The following TBCA variants were observed in gnomAD, a reference collection of about 807,000 sequenced individuals.
TBCA encodes the protein tubulin-specific chaperone A.
A neutral mutation model predicts 15.8 loss-of-function variants in TBCA; 6 were observed. The ratio of observed to expected loss-of-function variants is 0.38; its 90% CI spans 0.21 to 0.75. TBCA has a LOEUF of 0.75. TBCA is among the 30% of genes least tolerant of loss of function. The pLI, the probability that TBCA is intolerant of heterozygous loss-of-function variation, is 0.46. For missense variants in TBCA, 90 were observed against 131.2 expected (o/e 0.69, Z 1.53); for synonymous variants, 32 against 42.3 (o/e 0.76, Z 0.94).
At chr5:77,721,037 T>C (rs945635479) in intron 1 of TBCA, among the ~76,000 whole-genome samples, 1 of 152,208 alleles carries the variant, frequency 6.6e-6, no homozygotes, top group African/African-American at 2.4e-5. Context: ...CAAACTAATA[T>C]TGATTATCAT....
At chr5:77,743,296 C>T (rs1265261631) in intron 1 of TBCA, among the ~76,000 whole-genome samples, 1 of 152,138 alleles carries the variant, frequency 6.6e-6, no homozygotes, top group Non-Finnish European at 1.5e-5. Flanking sequence ...TAAATGTGTG[C>T]CCTTTGAAAG....
intron 1 of TBCA, among the ~76,000 whole-genome samples, chr5:77,713,251 G>C (rs1394193554): frequency 6.6e-6 from 1 of 152,126 alleles, no homozygotes; most frequent in East Asian, 1.9e-4. Context: ...AGCTATAATT[G>C]TGCCACTGCA....
chr5:77,766,271 T>C (rs935360810), intron 1 of TBCA, among the ~76,000 whole-genome samples: 1 of 152,146 alleles, frequency 6.6e-6, no homozygotes, highest in Admixed American at 6.6e-5. Flanking sequence ...ACAAAAACTT[T>C]TTGACAGAAC....
Position 77,723,144 on chromosome 5 carries a change from G to T in TBCA, c.54-14797C>A, listed in dbSNP as rs182109023. 7.8e-3 allele frequency among the ~76,000 whole-genome samples: 1,174 copies of T among 151,480 alleles called. 9 individuals carry two copies. Among genetic ancestry groups the T allele is most frequent in the African/African-American group, 0.027 (1,104 of 41,418 alleles). On this transcript the variant is annotated intron_variant, in intron 1 of 3. Transcript: ENST00000380377. ...AACATTATAATGGCTGATGAAATGG[G>T]TTTTTTTAAAAAAATCCAATTCAAC...
At chr5:77,750,151 G>T (rs352564) in intron 1 of TBCA, among the ~76,000 whole-genome samples, 60,635 of 148,834 alleles carry the variant, frequency 0.41, 12,465 homozygotes, top group East Asian at 0.48. Flanking sequence ...TATATATATA[G>T]AGAGAGAGCA....
At chr5:77,762,942 G>A (rs373948907) in intron 1 of TBCA, among the ~76,000 whole-genome samples, 2 of 152,214 alleles carry the variant, frequency 1.3e-5, no homozygotes, top group East Asian at 3.9e-4. Flanking sequence ...TCTTGGAGAC[G>A]CTTGTTTAAA....
At chr5:77,775,138 G>A (rs1164153600) in intron 1 of TBCA, among the ~76,000 whole-genome samples, 1 of 152,140 alleles carries the variant, frequency 6.6e-6, no homozygotes, top group Non-Finnish European at 1.5e-5. Context: ...ACAAAGAACA[G>A]AACTCAAAGT....
chr5:77,693,026 A>G, intron 3 of TBCA: 1 of 1,425,172 alleles, frequency 7.0e-7, no homozygotes, highest in Non-Finnish European at 9.1e-7. Context: ...ACTTAAATAA[A>G]TTTAACTAGC....
chr5:77,726,012 T>C (rs1010385514), intron 1 of TBCA, among the ~76,000 whole-genome samples: 1 of 152,214 alleles, frequency 6.6e-6, no homozygotes, highest in Non-Finnish European at 1.5e-5. Flanking sequence ...AAAGCAGCTC[T>C]CTGGAAAATG....
At chr5:77,695,306 C>T (rs1745848273) in intron 2 of TBCA, among the ~76,000 whole-genome samples, 1 of 152,168 alleles carries the variant, frequency 6.6e-6, no homozygotes, top group South Asian at 2.1e-4. Flanking sequence ...AGCTCAGGCT[C>T]TCCCATACAC....
intron 1 of TBCA, among the ~76,000 whole-genome samples, chr5:77,749,438 T>C (rs1747263930): frequency 6.6e-6 from 1 of 152,266 alleles, no homozygotes; most frequent in Non-Finnish European, 1.5e-5. Context: ...GATGTGTGCA[T>C]ATTTTATGGT....
chr5:77,692,069 A>G, intron 3 of TBCA: 1 of 984,768 alleles, frequency 1.0e-6, no homozygotes, highest in Non-Finnish European at 1.2e-6. Flanking sequence ...GTTTTTCCAT[A>G]ATACTGATAT....
Position 77,708,245 on chromosome 5 carries a change from C to T in TBCA, c.156G>A (p.Lys52=). ...AEDGENYDIK[K]QAEILQESRM... is the part of the protein sequence containing the mutation. ...GTTATTTATGATATAATTTTACCTG[C>T]TTTTTAATGTCATAATTTTCACCGT... The change falls in exon 2 of 4, where the codon AAG becomes AAA. Residue 52 remains lysine (K), a synonymous_variant. Transcript: ENST00000380377. 3 of 1,595,568 alleles carry T rather than the reference C, an allele frequency of 1.9e-6. No homozygotes were observed. The highest frequency in any genetic ancestry group is 2.6e-6 in the Non-Finnish European group (3 of 1,167,946).
chr5:77,692,658 A>T (rs1233674497), intron 3 of TBCA: 2 of 984,902 alleles, frequency 2.0e-6, no homozygotes, highest in Non-Finnish European at 2.4e-6. Context: ...AAAAGCATTT[A>T]AACTGTCAAG....
chr5:77,775,773 A>G (rs891447867), intron 1 of TBCA, among the ~76,000 whole-genome samples: 3 of 152,124 alleles, frequency 2.0e-5, no homozygotes, highest in African/African-American at 7.2e-5. Context: ...GCATCCCCCT[A>G]AACTTCAGAG....
intron 1 of TBCA, among the ~76,000 whole-genome samples, chr5:77,710,515 A>G (rs1746254524): frequency 6.6e-6 from 1 of 152,178 alleles, no homozygotes; most frequent in African/African-American, 2.4e-5. Flanking sequence ...TATTTGACTC[A>G]CAATGTTAAA....
chr5:77,692,602 C>G (rs1745778937), intron 3 of TBCA: 1 of 985,164 alleles, frequency 1.0e-6, no homozygotes, highest in Non-Finnish European at 1.2e-6. Flanking sequence ...TTATTTTTTT[C>G]CAAGCAATTT....
intron 1 of TBCA, among the ~76,000 whole-genome samples, chr5:77,740,409 G>C (rs899149406): frequency 6.6e-6 from 1 of 152,144 alleles, no homozygotes; most frequent in Non-Finnish European, 1.5e-5. Flanking sequence ...AGAGATGGTG[G>C]TGACCCAGAC....
In TBCA at chr5:77,766,771, A is replaced by T. The variant is rs1747787303; in HGVS notation, c.53+9434T>A. Reference sequence around the variant, plus strand: ...CTCGGCCTCCCAAAGTGCTGGGATTACAGGCGTGAGCCACCGCGCCCGGCT... The same window carrying T: ...CTCGGCCTCCCAAAGTGCTGGGATTTCAGGCGTGAGCCACCGCGCCCGGCT... On this transcript the variant is annotated intron_variant, in intron 1 of 3. Coordinates refer to ENST00000380377, the MANE Select transcript of TBCA (RefSeq NM_004607.3). 3.2e-4 allele frequency among the ~76,000 whole-genome samples: 7 copies of T among 22,208 alleles called. 3 individuals carry two copies. The Admixed American group carries it at 3.3e-3, about 11-fold the overall frequency. The allele number at this position is 22,208 out of a possible 152,430, so 14.6% of individuals were successfully genotyped here.
Sources: gnomAD v4.1 joint callset for allele counts (sites outside exome capture counted in the v4.1 genomes callset) on GRCh38, gnomAD v4.1.1 for gene constraint, MANE v1.5 for transcripts, NCBI Gene and HGNC (gene_info 2026-07-23, HGNC 2026-07-21) for gene names.